SLC60A1: variants seen among roughly 807,000 people sequenced by gnomAD.
SLC60A1 encodes major facilitator superfamily domain containing 4.
the SLC60A1 span, among the ~76,000 whole-genome samples, chr1:205,590,036 T>G: frequency 2.9e-3 from 447 of 152,312 alleles, 1 homozygote; most frequent in Middle Eastern, 0.027. Flanking sequence ...TCACTTGATG[T>G]GTGCAGGAGT....
At chr1:205,569,552 T>G in the SLC60A1 span, among the ~76,000 whole-genome samples, 1 of 148,420 alleles carries the variant, frequency 6.7e-6, no homozygotes, top group Non-Finnish European at 1.5e-5. Context: ...TCTGGCTTAT[T>G]TATTTGTCAT....
At chr1:205,593,504 G>T in the SLC60A1 span, among the ~76,000 whole-genome samples, 6 of 151,648 alleles carry the variant, frequency 4.0e-5, no homozygotes, top group East Asian at 9.7e-4. Context: ...AGGAGTGGGG[G>T]AAGTTGGTGT....
chr1:205,569,508 C>A, the SLC60A1 span, among the ~76,000 whole-genome samples: 1 of 149,540 alleles, frequency 6.7e-6, no homozygotes, highest in Non-Finnish European at 1.5e-5. Context: ...CGCAGCTCTC[C>A]CTGGAAAACT....
the SLC60A1 span, among the ~76,000 whole-genome samples, chr1:205,595,975 G>A: frequency 6.6e-6 from 1 of 152,144 alleles, no homozygotes; most frequent in African/African-American, 2.4e-5. Flanking sequence ...AGCTGGACCA[G>A]AATCTAGAAA....
the SLC60A1 span, among the ~76,000 whole-genome samples, chr1:205,590,204 G>A: frequency 6.6e-6 from 1 of 152,182 alleles, no homozygotes; most frequent in Non-Finnish European, 1.5e-5. Context: ...GTAGAGGCAG[G>A]TGAAACGTGG....
the SLC60A1 span, among the ~76,000 whole-genome samples, chr1:205,582,115 C>T: frequency 1.3e-5 from 2 of 152,206 alleles, no homozygotes; most frequent in Non-Finnish European, 2.9e-5. Flanking sequence ...CCTTTTCAGC[C>T]CATGCCCATC....
At chr1:205,580,934 G>A in the SLC60A1 span, 1 of 1,611,158 alleles carries the variant, frequency 6.2e-7, no homozygotes. The surrounding 1 kb of genome is among the most constrained non-coding windows in gnomAD (Gnocchi z 5.0). Flanking sequence ...GAGTGTCCCT[G>A]GGGTGGGCCA....
At chr1:205,600,789 A>G in the SLC60A1 span, 4 of 236,424 alleles carry the variant, frequency 1.7e-5, no homozygotes, top group Non-Finnish European at 3.3e-5. Flanking sequence ...TGGGTTTGAG[A>G]TCATTCTTCA....
chr1:205,589,691 A>G, the SLC60A1 span, among the ~76,000 whole-genome samples: 2 of 151,990 alleles, frequency 1.3e-5, no homozygotes, highest in African/African-American at 4.8e-5. Context: ...GGCCCAAGCG[A>G]TCCTTCCTGC....
At chr1:205,594,774 G>T in the SLC60A1 span, among the ~76,000 whole-genome samples, 2 of 152,134 alleles carry the variant, frequency 1.3e-5, no homozygotes, top group African/African-American at 4.8e-5. Flanking sequence ...GCTTGGACTA[G>T]TTAATGGTAC....
chr1:205,592,355 GTC>G, the SLC60A1 span: 3 of 1,420,396 alleles, frequency 2.1e-6, no homozygotes, highest in East Asian at 2.5e-5. Context: ...GCTCTGCCCT[GTC>G]TCTCTGTGCT....
At chr1:205,581,892 G>GT in the SLC60A1 span, among the ~76,000 whole-genome samples, 3 of 152,216 alleles carry the variant, frequency 2.0e-5, no homozygotes, top group African/African-American at 7.2e-5. This position sits in a 1 kb window ranked among gnomAD's most constrained non-coding sequence, Gnocchi z 4.2. Context: ...CAGGGCAAGG[G>GT]TGGGGGTGTC....
the SLC60A1 span, among the ~76,000 whole-genome samples, chr1:205,574,241 G>A: frequency 4.6e-5 from 7 of 152,048 alleles, no homozygotes; most frequent in East Asian, 1.4e-3. Flanking sequence ...GAGGGCAGGA[G>A]TTCAAGACCA....
At chr1:205,570,078 T>G in the SLC60A1 span, among the ~76,000 whole-genome samples, 1 of 152,160 alleles carries the variant, frequency 6.6e-6, no homozygotes, top group Non-Finnish European at 1.5e-5. Flanking sequence ...CTACTCCTGC[T>G]GGGCCTCTGC....
At chr1:205,579,649 G>C in the SLC60A1 span, 6 of 1,289,514 alleles carry the variant, frequency 4.7e-6, no homozygotes, top group Admixed American at 1.7e-5. Flanking sequence ...TCTACCAGAG[G>C]GGGAGAAATG....
chr1:205,575,493 C>A, the SLC60A1 span, among the ~76,000 whole-genome samples: 2 of 152,302 alleles, frequency 1.3e-5, no homozygotes, highest in African/African-American at 4.8e-5. Flanking sequence ...TCAGGCCCTT[C>A]CCCTGTTTCA....
At chr1:205,592,528 C>A in the SLC60A1 span, among the ~76,000 whole-genome samples, 2 of 151,990 alleles carry the variant, frequency 1.3e-5, no homozygotes, top group Non-Finnish European at 2.9e-5. Flanking sequence ...TGCTATCCCT[C>A]CCCCCTCTCC....
At chr1:205,581,865 A>T in the SLC60A1 span, among the ~76,000 whole-genome samples, 2 of 152,092 alleles carry the variant, frequency 1.3e-5, no homozygotes, top group Non-Finnish European at 2.9e-5. The surrounding 1 kb of genome is among the most constrained non-coding windows in gnomAD (Gnocchi z 4.2). Context: ...CTTTGAGACC[A>T]CCATTCCAGT....
At chr1:205,602,127 A>G in the SLC60A1 span, 7 of 152,248 alleles carry the variant, frequency 4.6e-5, no homozygotes, top group Admixed American at 2.6e-4. Flanking sequence ...TGGCTATTAG[A>G]GTAACTGTAT....
Sources: gnomAD v4.1 joint callset for allele counts (sites outside exome capture counted in the v4.1 genomes callset) on GRCh38, gnomAD v4.1.1 for gene constraint, Gnocchi (gnomAD v3.1) non-coding constraint, MANE v1.5 for transcripts, NCBI Gene and HGNC (gene_info 2026-07-23, HGNC 2026-07-21) for gene names.